The following GRM5 variants were observed in gnomAD, a reference collection of about 807,000 sequenced individuals.
GRM5 encodes metabotropic glutamate receptor 5.
Under a neutral mutation model 83.1 loss-of-function variants are expected in GRM5, and 19 were observed. That is an observed-to-expected ratio of 0.23 (90% CI 0.16 to 0.34). GRM5 has a LOEUF of 0.34. GRM5 is among the 10% of genes least tolerant of loss of function. The pLI is 1.00. For synonymous variants in GRM5, 675 were observed against 633.6 expected (o/e 1.07, Z -0.98); for missense variants, 1,160 against 1,588.3 (o/e 0.73, Z 4.58).
At chr11:88,894,591 CT>C in intron 2 of GRM5, among the ~76,000 whole-genome samples, 1 of 152,076 alleles carries the variant, frequency 6.6e-6, no homozygotes. Flanking sequence ...AATTTCAGAA[CT>C]TTTTTCTGGC....
Position 88,844,676 on chromosome 11 carries a change from A to C in GRM5, c.911+5230T>G, listed in dbSNP as rs1294958114. On this transcript the variant is annotated intron_variant, in intron 3 of 9. Coordinates refer to ENST00000305447, the MANE Select transcript of GRM5 (RefSeq NM_001143831.3). ...CCTTCTGGAAAGGATTCACCATTCT[A>C]GGTGTCATTAAGAACATTCATGAGT... is the stretch of plus-strand genomic sequence containing the variant. Among the ~76,000 whole-genome samples, 6 of 152,326 alleles carry C rather than the reference A, an allele frequency of 3.9e-5. No homozygotes were observed. The East Asian group carries it at 1.2e-3, about 29-fold the overall frequency.
In GRM5 at chr11:88,508,872, G is replaced by A. The variant is rs751878721; in HGVS notation, c.3359C>T (p.Ala1120Val). 4.4e-5 allele frequency: 70 copies of A among 1,587,358 alleles called. No individual in the cohort carries two copies. The highest frequency in any genetic ancestry group is 6.0e-5 in the Non-Finnish European group (70 of 1,168,338). ...TTFAEIQPLP[A>V]IEVTGGAQPA... ...CTGCGCGCCTCCCGTGACTTCGATG[G>A]CCGGCAGAGGCTGGATTTCGGCAAA... Residue 1120 changes from alanine (A) to valine (V), a missense_variant, in exon 10 of 10, where the codon GCC becomes GTC. Ala to Val is a moderately conservative substitution (Grantham distance 64). Transcript: ENST00000305447. This position sits in a 1 kb window ranked among gnomAD's most constrained non-coding sequence, Gnocchi z 4.2.
intron 3 of GRM5, among the ~76,000 whole-genome samples, chr11:88,811,222 C>A (rs189327380): frequency 1.1e-4 from 16 of 152,108 alleles, no homozygotes; most frequent in Admixed American, 5.9e-4. Context: ...AAGCTGGTGC[C>A]TTTGAGGACA....
chr11:88,569,436 G>A (rs1450329662), intron 7 of GRM5, among the ~76,000 whole-genome samples: 1 of 152,128 alleles, frequency 6.6e-6, no homozygotes, highest in Non-Finnish European at 1.5e-5. Context: ...CATTTGGGAT[G>A]GTAAAGGCAT....
intron 2 of GRM5, among the ~76,000 whole-genome samples, chr11:88,934,241 A>G (rs1311255821): frequency 1.3e-5 from 2 of 151,770 alleles, no homozygotes; most frequent in Admixed American, 6.6e-5. Context: ...CTATTTTTTG[A>G]TAATAGAGTT....
At chr11:88,959,745 C>A in intron 2 of GRM5, among the ~76,000 whole-genome samples, 1 of 152,078 alleles carries the variant, frequency 6.6e-6, no homozygotes, top group Non-Finnish European at 1.5e-5. Context: ...ACACAGAGCT[C>A]TGGGTTAGAA....
intron 8 of GRM5, among the ~76,000 whole-genome samples, chr11:88,546,055 T>C (rs1421762871): frequency 6.6e-6 from 1 of 152,020 alleles, no homozygotes; most frequent in Non-Finnish European, 1.5e-5. Flanking sequence ...CCTTAAGATC[T>C]TTTTGGTTGT....
At chr11:88,963,025 G>A (rs1938830977) in intron 2 of GRM5, among the ~76,000 whole-genome samples, 2 of 152,210 alleles carry the variant, frequency 1.3e-5, no homozygotes, top group Admixed American at 1.3e-4. Context: ...GGAGGCAGAG[G>A]TTGCAGTGAG....
At chr11:88,570,571 A>ATATATATTTTTTTT (rs1405339448) in intron 7 of GRM5, among the ~76,000 whole-genome samples, 1 of 46,376 alleles carries the variant, frequency 2.2e-5, no homozygotes, top group African/African-American at 1.3e-4. Flanking sequence ...ATATATATAT[A>ATATATATTTTTTTT]TTTTTTTTTT....
intron 2 of GRM5, among the ~76,000 whole-genome samples, chr11:88,890,863 T>C (rs775749720): frequency 5.3e-5 from 8 of 152,094 alleles, no homozygotes; most frequent in Non-Finnish European, 1.0e-4. Context: ...CAGCATGTAT[T>C]TGAGATCACT....
Position 88,690,531 on chromosome 11 carries a change from TA to T in GRM5, c.912-37129del, listed in dbSNP as rs548351657. ...AAATGAATTAATTACAATTTATTTT[TA>T]AAAATTTCCTAATTCCTAAGGATCA... On this transcript the variant is annotated intron_variant, in intron 3 of 9. Coordinates refer to ENST00000305447, the MANE Select transcript of GRM5 (RefSeq NM_001143831.3). Among the ~76,000 whole-genome samples, 306 of 152,342 alleles carry T rather than the reference TA, an allele frequency of 2.0e-3. 2 individuals are homozygous for T. The highest frequency in any genetic ancestry group is 6.8e-3 in the African/African-American group (281 of 41,582).
intron 1 of GRM5, among the ~76,000 whole-genome samples, chr11:89,063,189 C>T (rs1002620581): frequency 6.6e-6 from 1 of 152,228 alleles, no homozygotes; most frequent in African/African-American, 2.4e-5. Context: ...CGAAACCACG[C>T]GCACCTGGCC....
At chr11:88,782,896 A>C (rs376361965) in intron 3 of GRM5, among the ~76,000 whole-genome samples, 1 of 152,228 alleles carries the variant, frequency 6.6e-6, no homozygotes, top group East Asian at 1.9e-4. Flanking sequence ...TAAGCCCTTC[A>C]CAGATATTAT....
chr11:88,997,376 A>G (rs1591033690), intron 2 of GRM5, among the ~76,000 whole-genome samples: 3 of 151,548 alleles, frequency 2.0e-5, no homozygotes, highest in Non-Finnish European at 2.9e-5. Context: ...AAAATCTTAA[A>G]TCAGTAGCAT....
chr11:88,824,001 T>A (rs1463465423), intron 3 of GRM5, among the ~76,000 whole-genome samples: 1 of 152,182 alleles, frequency 6.6e-6, no homozygotes, highest in African/African-American at 2.4e-5. Context: ...TTTCCGAGCT[T>A]TTGGAAGGTT....
intron 2 of GRM5, among the ~76,000 whole-genome samples, chr11:88,964,284 A>C (rs1477006218): frequency 2.6e-5 from 4 of 152,176 alleles, no homozygotes; most frequent in Admixed American, 1.3e-4. Context: ...TTACCTTCCC[A>C]TCCAAACATA....
intron 8 of GRM5, among the ~76,000 whole-genome samples, chr11:88,559,952 C>G (rs1465709538): frequency 4.6e-5 from 7 of 152,100 alleles, no homozygotes; most frequent in Non-Finnish European, 5.9e-5. Flanking sequence ...GAGAGGCTTT[C>G]CAGCAGAATT....
At chr11:88,914,049 C>A (rs1160400388) in intron 2 of GRM5, among the ~76,000 whole-genome samples, 1 of 152,146 alleles carries the variant, frequency 6.6e-6, no homozygotes, top group African/African-American at 2.4e-5. Flanking sequence ...GGGGTAAATT[C>A]TGTACCTTGC....
intron 2 of GRM5, among the ~76,000 whole-genome samples, chr11:88,992,621 T>A (rs1940019687): frequency 1.3e-5 from 2 of 151,546 alleles, no homozygotes; most frequent in African/African-American, 2.4e-5. Context: ...CCAACCCAAA[T>A]GTCCAACAGT....
Sources: allele counts gnomAD v4.1 joint callset (sites outside exome capture counted in the v4.1 genomes callset), GRCh38; gene constraint gnomAD v4.1.1; non-coding constraint Gnocchi (gnomAD v3.1); transcripts MANE v1.5; gene names NCBI Gene and HGNC (gene_info 2026-07-23, HGNC 2026-07-21).